ANO6: variants seen among roughly 807,000 people sequenced by gnomAD.
The protein encoded by ANO6 is anoctamin-6.
Under a neutral mutation model 117.5 loss-of-function variants are expected in ANO6, and 106 were observed. The observed-to-expected ratio is 0.90, with a 90% CI of 0.77 to 1.06. The LOEUF is 1.06. Among genes scored for constraint, ANO6 ranks in the 50% least tolerant of loss-of-function variants. The pLI is 0.00. For synonymous variants in ANO6, 367 were observed against 385.1 expected, an observed-to-expected ratio of 0.95 and a Z score of 0.55; for missense variants, 955 against 1,121.1, an observed-to-expected ratio of 0.85 and a Z score of 2.12.
At chr12:45,220,571 A>T (rs1947380968) in intron 1 of ANO6, among the ~76,000 whole-genome samples, 1 of 152,198 alleles carries the variant, frequency 6.6e-6, no homozygotes, top group African/African-American at 2.4e-5. Context: ...GGAGACTGAA[A>T]ATGAGTAAGA....
rs138164280 is a variant in ANO6 at position 45,426,161 on chromosome 12, A to C, written c.2527-2944A>C. 2.6e-5 allele frequency among the ~76,000 whole-genome samples: 4 copies of C among 152,318 alleles called. No individual in the cohort carries two copies. The East Asian group carries it at 7.7e-4, about 29-fold the overall frequency. On this transcript the variant is annotated intron_variant, in intron 19 of 19. Coordinates refer to ENST00000320560, the MANE Select transcript of ANO6 (RefSeq NM_001025356.3). ...TTACGCAAAATTTTTAAAAATGTAC[A>C]AATCTGAATCTAGCAATATATTTCA...
At chr12:45,293,048 G>A (rs2137281929) in intron 1 of ANO6, 1 of 1,427,880 alleles carries the variant, frequency 7.0e-7, no homozygotes, top group Admixed American at 2.2e-5. Context: ...ATTTGGTCTT[G>A]AAGGGACACT....
At chr12:45,263,178 G>T (rs750942319) in intron 1 of ANO6, among the ~76,000 whole-genome samples, 5 of 151,702 alleles carry the variant, frequency 3.3e-5, no homozygotes, top group Non-Finnish European at 7.4e-5. Flanking sequence ...GAAATTACTG[G>T]GGCACGCATT....
chr12:45,230,296 A>G (rs1384501911), intron 1 of ANO6, among the ~76,000 whole-genome samples: 2 of 152,040 alleles, frequency 1.3e-5, no homozygotes, highest in Admixed American at 6.6e-5. Flanking sequence ...GCTATGTGAT[A>G]TGACTGAAAA....
chr12:45,321,533 C>G (rs1592962702), intron 2 of ANO6, among the ~76,000 whole-genome samples: 1 of 152,258 alleles, frequency 6.6e-6, no homozygotes, highest in East Asian at 1.9e-4. Flanking sequence ...AAGAAGCTGT[C>G]AAATTCACAG....
At chr12:45,297,351 C>G (rs1939328961) in intron 1 of ANO6, among the ~76,000 whole-genome samples, 1 of 152,122 alleles carries the variant, frequency 6.6e-6, no homozygotes, top group African/African-American at 2.4e-5. Flanking sequence ...GGGGTTTTAA[C>G]CAAGAGTTTC....
intron 1 of ANO6, among the ~76,000 whole-genome samples, chr12:45,241,275 G>A (rs1234778319): frequency 6.6e-6 from 1 of 151,884 alleles, no homozygotes; most frequent in Non-Finnish European, 1.5e-5. Flanking sequence ...CTCTAATCTT[G>A]TCTTCTTGCT....
intron 18 of ANO6, among the ~76,000 whole-genome samples, chr12:45,422,601 G>A (rs1040690197): frequency 4.0e-5 from 6 of 148,404 alleles, no homozygotes; most frequent in East Asian, 4.0e-4. Flanking sequence ...TTGAGACAGC[G>A]TCCTGCTCTG....
intron 1 of ANO6, among the ~76,000 whole-genome samples, chr12:45,249,734 T>G (rs902734866): frequency 1.3e-5 from 2 of 152,148 alleles, no homozygotes; most frequent in Admixed American, 6.6e-5. Context: ...AGACACTGAA[T>G]CCCCAAAAAT....
At chr12:45,331,167 G>T in intron 2 of ANO6, 128 bp from the exon 3 acceptor site, 1 of 788,312 alleles carries the variant, frequency 1.3e-6, no homozygotes, top group South Asian at 1.9e-5. Flanking sequence ...TGACTGTTTG[G>T]TAAGCTAACT....
intron 1 of ANO6, among the ~76,000 whole-genome samples, chr12:45,225,182 T>C (rs1208245765): frequency 3.4e-4 from 33 of 98,282 alleles, no homozygotes; most frequent in South Asian, 2.3e-3. Flanking sequence ...AGACCCTGTC[T>C]CAAAAAAAAA....
intron 9 of ANO6, among the ~76,000 whole-genome samples, chr12:45,372,711 G>GC (rs1169264730): frequency 3.9e-5 from 6 of 152,060 alleles, no homozygotes; most frequent in Non-Finnish European, 8.8e-5. Context: ...CCTGAAGGAA[G>GC]CACTAAACAT....
chr12:45,217,887 G>C (rs534115644), intron 1 of ANO6, among the ~76,000 whole-genome samples: 1 of 152,284 alleles, frequency 6.6e-6, no homozygotes, highest in South Asian at 2.1e-4. Context: ...AATGAGTATT[G>C]TAAGTAAATA....
At chr12:45,394,917 A>C (rs1440796813) in intron 12 of ANO6, among the ~76,000 whole-genome samples, 1 of 152,246 alleles carries the variant, frequency 6.6e-6, no homozygotes, top group African/African-American at 2.4e-5. Context: ...CAACGGCCTA[A>C]CATCATAATT....
At chr12:45,238,569 A>G (rs976398974) in intron 1 of ANO6, among the ~76,000 whole-genome samples, 1 of 152,192 alleles carries the variant, frequency 6.6e-6, no homozygotes, top group South Asian at 2.1e-4. Context: ...CAGAACTTCC[A>G]ACACTGTGTT....
intron 2 of ANO6, among the ~76,000 whole-genome samples, chr12:45,325,217 C>G (rs1396792074): frequency 6.6e-6 from 1 of 152,038 alleles, no homozygotes; most frequent in African/African-American, 2.4e-5. Context: ...CAACTGATTC[C>G]AGAATATAAG....
intron 2 of ANO6, among the ~76,000 whole-genome samples, chr12:45,320,773 A>G (rs138135589): frequency 6.6e-6 from 1 of 152,040 alleles, no homozygotes; most frequent in Admixed American, 6.6e-5. Flanking sequence ...GTAGGTCTCT[A>G]AGGACTTGCT....
intron 1 of ANO6, among the ~76,000 whole-genome samples, chr12:45,225,812 G>A: frequency 6.6e-6 from 1 of 152,162 alleles, no homozygotes; most frequent in Non-Finnish European, 1.5e-5. Context: ...CATGCCATAT[G>A]ATTTAAGCTG....
intron 1 of ANO6, among the ~76,000 whole-genome samples, chr12:45,275,176 C>G (rs1302112349): frequency 6.6e-6 from 1 of 151,970 alleles, no homozygotes; most frequent in Non-Finnish European, 1.5e-5. Context: ...CCGTCTCCAT[C>G]TCTTACCCTG....
Sources: gnomAD v4.1 joint callset for allele counts (sites outside exome capture counted in the v4.1 genomes callset) on GRCh38, gnomAD v4.1.1 for gene constraint, MANE v1.5 for transcripts, NCBI Gene and HGNC (gene_info 2026-07-23, HGNC 2026-07-21) for gene names.